The following PHF21A variants were observed in gnomAD, a reference collection of about 807,000 sequenced individuals.
PHF21A encodes the protein BHC80a.
PHF21A carries 11 observed loss-of-function variants against 82.5 expected under a neutral mutation model. The observed-to-expected ratio is 0.13, with a 90% CI of 0.08 to 0.22. The LOEUF (loss-of-function observed/expected upper bound fraction) is 0.22, where lower values mean the gene tolerates loss of function less well. PHF21A is among the 10% of genes least tolerant of loss of function. The pLI, the probability that PHF21A is intolerant of heterozygous loss-of-function variation, is 1.00. For synonymous variants in PHF21A, 297 were observed against 302.8 expected (o/e 0.98, Z 0.20); for missense variants, 579 against 837.8 (o/e 0.69, Z 3.81).
At chr11:45,938,333 G>A (rs768302997) in intron 15 of PHF21A, 21 bp from the exon 16 acceptor site, 6 of 1,593,518 alleles carry the variant, frequency 3.8e-6, no homozygotes, top group Non-Finnish European at 3.4e-6. Flanking sequence ...GAGAGGAAAG[G>A]TAAGAAAAAG....
In PHF21A at chr11:46,104,686, G is replaced by A. The variant is rs573248766; in HGVS notation, c.-236-12463C>T. On this transcript the variant is annotated intron_variant, in intron 1 of 18. Transcript: ENST00000676320. ...GTAATAATAACAATAATAATGATAA[G>A]AGCAGCTATCATGATTGAGTGTCTC... Among the ~76,000 whole-genome samples, 5 of 152,208 alleles carry A rather than the reference G, an allele frequency of 3.3e-5. No homozygotes were observed. The South Asian group carries it at 1.0e-3, about 32-fold the overall frequency.
At chr11:46,042,093 T>C (rs1382376164) in intron 6 of PHF21A, among the ~76,000 whole-genome samples, 7 of 152,298 alleles carry the variant, frequency 4.6e-5, no homozygotes, top group Middle Eastern at 6.8e-3. Flanking sequence ...CTATAGGAAG[T>C]TGAATAAATA....
chr11:45,953,560 A>G lies in PHF21A; in HGVS notation c.1062T>C (p.Ala354=). The G allele has an allele frequency of 6.2e-7, 1 of 1,613,990 alleles. No individual in the cohort carries two copies. The highest frequency in any genetic ancestry group is 8.5e-7 in the Non-Finnish European group (1 of 1,179,878). ...TCTCCTCCCGTTTTGGTTTGGGTGC[A>G]GCAGGTGGGGTGATGGTGCGGCTCT... ...QTESRTITPP[A]APKPKREENP... The change falls in exon 11 of 19, where the codon GCT becomes GCC. Residue 354 remains alanine (A), a synonymous_variant. Coordinates refer to ENST00000676320, the MANE Select transcript of PHF21A (RefSeq NM_001352027.3).
chr11:46,003,617 A>G (rs1464521974), intron 6 of PHF21A, among the ~76,000 whole-genome samples: 1 of 152,164 alleles, frequency 6.6e-6, no homozygotes, highest in East Asian at 1.9e-4. Context: ...TAGGATGATG[A>G]CTAGTACTTA....
intron 7 of PHF21A, among the ~76,000 whole-genome samples, chr11:45,975,828 C>A (rs1479922978): frequency 6.6e-6 from 1 of 152,174 alleles, no homozygotes; most frequent in African/African-American, 2.4e-5. Context: ...ATGCCAATCA[C>A]CCGACTTAGA....
chr11:46,061,191 C>T (rs1463493593), intron 6 of PHF21A, among the ~76,000 whole-genome samples: 1 of 152,146 alleles, frequency 6.6e-6, no homozygotes, highest in Admixed American at 6.6e-5. Context: ...CAGTACCATG[C>T]TGTTTTGGTC....
At chr11:46,046,830 C>T (rs1476534438) in intron 6 of PHF21A, among the ~76,000 whole-genome samples, 2 of 152,178 alleles carry the variant, frequency 1.3e-5, no homozygotes, top group African/African-American at 2.4e-5. Flanking sequence ...AGTTTCCAAA[C>T]ACTGATCAAG....
intron 4 of PHF21A, among the ~76,000 whole-genome samples, chr11:46,080,429 G>T (rs998785578): frequency 5.3e-5 from 8 of 151,832 alleles, no homozygotes; most frequent in African/African-American, 1.9e-4. Flanking sequence ...AAAGTGCTGA[G>T]ATTAAGGTGT....
At chr11:46,102,238 T>C (rs1187671167) in intron 1 of PHF21A, among the ~76,000 whole-genome samples, 3 of 152,208 alleles carry the variant, frequency 2.0e-5, no homozygotes, top group Non-Finnish European at 4.4e-5. Context: ...CATGAGCCAC[T>C]ACACCTAACC....
At chr11:45,948,549 T>G (rs1442277702) in intron 14 of PHF21A, among the ~76,000 whole-genome samples, 1 of 152,246 alleles carries the variant, frequency 6.6e-6, no homozygotes, top group African/African-American at 2.4e-5. Context: ...TGCTCTGTTC[T>G]GCTTAATGAC....
intron 6 of PHF21A, among the ~76,000 whole-genome samples, chr11:46,017,207 G>A (rs2095534535): frequency 6.6e-6 from 1 of 152,184 alleles, no homozygotes; most frequent in African/African-American, 2.4e-5. Context: ...CCGACCTCAG[G>A]TGATCCGCTC....
chr11:46,016,613 C>T (rs926955622), intron 6 of PHF21A, among the ~76,000 whole-genome samples: 7 of 152,116 alleles, frequency 4.6e-5, no homozygotes, highest in African/African-American at 1.7e-4. Flanking sequence ...CAAAGAGCAC[C>T]CGTGTACAAC....
chr11:45,949,318 A>C (rs1249897524), intron 13 of PHF21A, 84 bp downstream of exon 13: 1 of 1,104,746 alleles, frequency 9.1e-7, no homozygotes. Context: ...GCTGCTCTTC[A>C]GCAGGTTTTC....
At chr11:45,946,621 C>G (rs1170756337) in intron 14 of PHF21A, among the ~76,000 whole-genome samples, 1 of 152,164 alleles carries the variant, frequency 6.6e-6, no homozygotes, top group Non-Finnish European at 1.5e-5. Flanking sequence ...ATGATCCGCC[C>G]ATCTTGGCCT....
intron 6 of PHF21A, among the ~76,000 whole-genome samples, chr11:46,016,831 T>A (rs2095526903): frequency 6.6e-6 from 1 of 151,810 alleles, no homozygotes; most frequent in Admixed American, 6.6e-5. Flanking sequence ...AATGCAGACC[T>A]ATAGCACTTA....
intron 6 of PHF21A, among the ~76,000 whole-genome samples, chr11:45,984,306 G>A (rs1477815961): frequency 6.6e-6 from 1 of 152,080 alleles, no homozygotes; most frequent in Non-Finnish European, 1.5e-5. Context: ...TGCTAGTACC[G>A]CCCACTTCAA....
intron 6 of PHF21A, among the ~76,000 whole-genome samples, chr11:46,075,962 C>A (rs986735564): frequency 1.3e-5 from 2 of 152,144 alleles, no homozygotes; most frequent in Admixed American, 6.5e-5. Context: ...TCACCTTATT[C>A]TTTTGATTAA....
Position 45,932,352 on chromosome 11 carries a change from T to C in PHF21A, c.*1616A>G, listed in dbSNP as rs1393476682. The stretch of plus-strand genomic sequence containing the variant: ...GAGAAGACCACGGGTAGGGCCCTGA[T>C]ACCATCCACGCTTCCATTTGGGCTT... On this transcript the variant is annotated 3_prime_UTR_variant, in exon 19 of 19. Transcript: ENST00000676320. The surrounding 1 kb of genome is among the most constrained non-coding windows in gnomAD (Gnocchi z 4.3). 1 of 152,248 alleles carries C rather than the reference T, an allele frequency of 6.6e-6. No homozygotes were observed. The highest frequency in any genetic ancestry group is 1.5e-5 in the Non-Finnish European group (1 of 68,066). 9.4% of individuals were successfully genotyped at this position (152,248 alleles called of 1,614,324 possible).
intron 6 of PHF21A, among the ~76,000 whole-genome samples, chr11:45,991,719 C>T (rs1371179790): frequency 6.6e-6 from 1 of 152,144 alleles, no homozygotes; most frequent in Non-Finnish European, 1.5e-5. Context: ...GTTATTTACC[C>T]AATCTTGGTC....
Sources: allele counts gnomAD v4.1 joint callset (sites outside exome capture counted in the v4.1 genomes callset), GRCh38; gene constraint gnomAD v4.1.1; non-coding constraint Gnocchi (gnomAD v3.1); transcripts MANE v1.5; gene names NCBI Gene and HGNC (gene_info 2026-07-23, HGNC 2026-07-21).